The following GALNT15 variants were observed in gnomAD, a reference collection of about 807,000 sequenced individuals.
The protein encoded by GALNT15 is polypeptide N-acetylgalactosaminyltransferase 15, also known as UDP-GalNAc transferase T15.
GALNT15 carries 67 observed loss-of-function variants against 66.8 expected under a neutral mutation model. The observed-to-expected ratio is 1.00, with a 90% confidence interval of 0.82 to 1.23. The LOEUF (loss-of-function observed/expected upper bound fraction) is 1.23, where lower values mean the gene tolerates loss of function less well. Among genes scored for constraint, GALNT15 ranks in the 50% most tolerant of loss-of-function variants. The pLI, the probability that GALNT15 is intolerant of heterozygous loss-of-function variation, is 0.00. For synonymous variants in GALNT15, 313 were observed against 311.5 expected (o/e 1.00, Z -0.05); for missense variants, 827 against 804.3 (o/e 1.03, Z -0.34).
rs190797513 is a variant in GALNT15 at position 16,186,244 on chromosome 3, G to A, written c.540-9516G>A. Among the ~76,000 whole-genome samples the A allele has an allele frequency of 4.2e-3, 642 of 152,330 alleles. 4 individuals are homozygous for A. Among genetic ancestry groups the A allele is most frequent in the Non-Finnish European group, 7.4e-3 (503 of 68,034 alleles). The stretch of plus-strand genomic sequence containing the variant: ...AAAATACAAATCAAAACCACAATGA[G>A]ATGACATTTTACCCCCACTAGGATG... On this transcript the variant is annotated intron_variant, in intron 1 of 9. Transcript: ENST00000339732. This position sits in a 1 kb window ranked among gnomAD's most constrained non-coding sequence, Gnocchi z 5.1.
chr3:16,233,094 C>CT (rs61516679), downstream of GALNT15, among the ~76,000 whole-genome samples: 1,261 of 61,180 alleles, frequency 0.021, 254 homozygotes, highest in South Asian at 0.051. Context: ...GATAATGCAT[C>CT]TTTTTTTTTT....
chr3:16,241,612 G>A, the GALNT15 span, among the ~76,000 whole-genome samples: 4 of 152,108 alleles, frequency 2.6e-5, no homozygotes, highest in East Asian at 1.9e-4. The surrounding 1 kb of genome is among the most constrained non-coding windows in gnomAD (Gnocchi z 4.6). Flanking sequence ...GCAATGGCGC[G>A]ATCTCGGCTC....
At chr3:16,190,917 C>T (rs1056359339) in intron 1 of GALNT15, among the ~76,000 whole-genome samples, 2 of 152,172 alleles carry the variant, frequency 1.3e-5, no homozygotes, top group African/African-American at 2.4e-5. Flanking sequence ...TGTCGGTTTA[C>T]GTCTTGAAGG....
Position 16,188,092 on chromosome 3 carries a change from C to T in GALNT15, c.540-7668C>T, listed in dbSNP as rs541122904. 2.0e-5 allele frequency among the ~76,000 whole-genome samples: 3 copies of T among 152,316 alleles called. No individual in the cohort carries two copies. Among genetic ancestry groups the T allele is most frequent in the African/African-American group, 7.2e-5 (3 of 41,564 alleles). ...AGGTCTGAGCCTGATGGAAGGTCGT[C>T]GTCCAGGGCATGTGGCACATCTAGC... On this transcript the variant is annotated intron_variant, in intron 1 of 9. Transcript: ENST00000339732. This position sits in a 1 kb window ranked among gnomAD's most constrained non-coding sequence, Gnocchi z 4.6.
the GALNT15 span, among the ~76,000 whole-genome samples, chr3:16,247,946 C>T: frequency 6.6e-6 from 1 of 152,210 alleles, no homozygotes; most frequent in Non-Finnish European, 1.5e-5. Flanking sequence ...TCCAGGCTTC[C>T]AGCTCATCTG....
Position 16,227,729 on chromosome 3 carries a change from C to T in GALNT15, c.*229C>T. 1 of 1,365,942 alleles carries T rather than the reference C, an allele frequency of 7.3e-7. No individual in the cohort carries two copies. The highest frequency in any genetic ancestry group is 9.4e-7 in the Non-Finnish European group (1 of 1,064,150). The allele number at this position is 1,365,942 out of a possible 1,614,324, so 84.6% of individuals were successfully genotyped here. ...AAAAAAGGATCCATTGTACCGTTGT[C>T]TTCATCACTGGGAAATGATTATTAC... On this transcript the variant is annotated 3_prime_UTR_variant, in exon 10 of 10. Transcript: ENST00000339732. The surrounding 1 kb of genome is among the most constrained non-coding windows in gnomAD (Gnocchi z 4.5).
At chr3:16,178,111 C>A (rs1299800212) in intron 1 of GALNT15, among the ~76,000 whole-genome samples, 4 of 151,916 alleles carry the variant, frequency 2.6e-5, no homozygotes, top group Non-Finnish European at 5.9e-5. Context: ...CGTATGTATT[C>A]TTTGTGTGTT....
In GALNT15 at chr3:16,224,548, G is replaced by A. The variant is rs918857479; in HGVS notation, c.1773+1790G>A. Among the ~76,000 whole-genome samples, 1 of 149,400 alleles carries A rather than the reference G, an allele frequency of 6.7e-6. No homozygotes were observed. Among genetic ancestry groups the A allele is most frequent in the Admixed American group, 6.6e-5 (1 of 15,088 alleles). On this transcript the variant is annotated intron_variant, in intron 9 of 9. Transcript: ENST00000339732. This position sits in a 1 kb window ranked among gnomAD's most constrained non-coding sequence, Gnocchi z 5.2. ...GAATTTGTTTATTAATGGTTATAGA[G>A]TTTCACTTTTACAAGATGAAAAAGT... is the stretch of plus-strand genomic sequence containing the variant.
rs776635768 is a variant in GALNT15, at chr3:16,195,972, C to T, written c.706+46C>T. On this transcript the variant is annotated intron_variant, in intron 2 of 9. Coordinates refer to ENST00000339732, the MANE Select transcript of GALNT15 (RefSeq NM_054110.5). The surrounding 1 kb of genome is among the most constrained non-coding windows in gnomAD (Gnocchi z 4.6). ...GGCTCGTCTGGGTGAGCCTTACCCCCTGGCGGGTGGAGTTCTCAAGCAAAA... is the reference window on the plus strand; with the variant it reads ...GGCTCGTCTGGGTGAGCCTTACCCCTTGGCGGGTGGAGTTCTCAAGCAAAA... 1 of 1,594,760 alleles carries T rather than the reference C, an allele frequency of 6.3e-7. No individual in the cohort carries two copies. The highest frequency in any genetic ancestry group is 2.2e-5 in the East Asian group (1 of 44,550).
chr3:16,192,455 A>G (rs1402317314), intron 1 of GALNT15, among the ~76,000 whole-genome samples: 1 of 152,018 alleles, frequency 6.6e-6, no homozygotes, highest in Non-Finnish European at 1.5e-5. Flanking sequence ...AACAAGCCCA[A>G]TTAATAGTTT....
chr3:16,232,506 ATATATTTATTT>A (rs1559698434), downstream of GALNT15, among the ~76,000 whole-genome samples: 368 of 83,306 alleles, frequency 4.4e-3, 12 homozygotes, highest in African/African-American at 0.02. Flanking sequence ...ATATATATAT[ATATATTTATTT>A]AAAAGAGACA....
In GALNT15 at chr3:16,219,559, G is replaced by A. The variant is rs370687308; in HGVS notation, c.1524+25G>A. 8 of 1,609,706 alleles carry A rather than the reference G, an allele frequency of 5.0e-6. No individual in the cohort carries two copies. The African/African-American group carries it at 8.0e-5, about 16-fold the overall frequency. ...GGCAAGGCATGACCCAGGGAAGATG[G>A]GGAGGGACAGGGAAGCTTCCCAAGA... is the stretch of plus-strand genomic sequence containing the variant. On this transcript the variant is annotated intron_variant, in intron 7 of 9. Coordinates refer to ENST00000339732, the MANE Select transcript of GALNT15 (RefSeq NM_054110.5). This position sits in a 1 kb window ranked among gnomAD's most constrained non-coding sequence, Gnocchi z 4.3.
At position 16,175,617 on chromosome 3, in the gene GALNT15, C is replaced by A; in HGVS notation, c.466C>A (p.Pro156Thr). ...GGAGTTGACCCCGTTCAGCCTGGAC[C>A]CACGTGGCCTCCAGGAGGCACTCAG... ...EEELTPFSLD[P>T]RGLQEALSAR... The change falls in exon 1 of 10, where the codon CCA becomes ACA. Residue 156 changes from proline to threonine, a missense_variant. Coordinates refer to ENST00000339732, the MANE Select transcript of GALNT15 (RefSeq NM_054110.5). The surrounding 1 kb of genome is among the most constrained non-coding windows in gnomAD (Gnocchi z 5.6). 6.2e-7 allele frequency: 1 copy of A among 1,613,308 alleles called. No individual in the cohort carries two copies. Among genetic ancestry groups the A allele is most frequent in the Non-Finnish European group, 8.5e-7 (1 of 1,179,960 alleles).
chr3:16,234,787 C>T (rs1329794559), downstream of GALNT15, among the ~76,000 whole-genome samples: 1 of 152,204 alleles, frequency 6.6e-6, no homozygotes, highest in Non-Finnish European at 1.5e-5. Flanking sequence ...AGTCTCAACC[C>T]ATGCACAAGA....
At position 16,200,967 on chromosome 3, in the gene GALNT15, T is replaced by G. The variant is rs2063694431; in HGVS notation, c.911+144T>G. 2 of 575,732 alleles carry G rather than the reference T, an allele frequency of 3.5e-6. No homozygotes were observed. Among genetic ancestry groups the G allele is most frequent in the East Asian group, 6.7e-5 (2 of 29,962 alleles). The allele number at this position is 575,732 out of a possible 1,614,324, so 35.7% of individuals were successfully genotyped here. A position where few individuals can be genotyped will look rare whatever the true frequency, so the allele number is the denominator to read the frequency against. On this transcript the variant is annotated intron_variant, in intron 3 of 9. Coordinates refer to ENST00000339732, the MANE Select transcript of GALNT15 (RefSeq NM_054110.5). The surrounding 1 kb of genome is among the most constrained non-coding windows in gnomAD (Gnocchi z 4.4). Reference sequence around the variant, plus strand: ...TATTCCCTTCGGGTTTTCAGATGTGTAAGTTTTTTAAGACTATAGAGTTAG... The same window carrying G: ...TATTCCCTTCGGGTTTTCAGATGTGGAAGTTTTTTAAGACTATAGAGTTAG...
Position 16,219,885 on chromosome 3 carries a change from C to T in GALNT15, c.1525-25C>T, listed in dbSNP as rs746661592. 16 of 1,576,252 alleles carry T rather than the reference C, an allele frequency of 1.0e-5. No individual in the cohort carries two copies. The Admixed American group carries it at 2.2e-4, about 21-fold the overall frequency. The stretch of plus-strand genomic sequence containing the variant: ...TCTTTACAGTGGAATCTGGAATTCA[C>T]TCCTGTGTGTGTGTCCACTTTCAGC... On this transcript the variant is annotated intron_variant, in intron 7 of 9. Transcript: ENST00000339732. This position sits in a 1 kb window ranked among gnomAD's most constrained non-coding sequence, Gnocchi z 4.3.
Position 16,208,540 on chromosome 3 carries a change from T to C in GALNT15, c.949T>C (p.Trp317Arg). The change falls in exon 4 of 10, where the codon TGG becomes CGG. Residue 317 changes from tryptophan to arginine, a missense_variant. Coordinates refer to ENST00000339732, the MANE Select transcript of GALNT15 (RefSeq NM_054110.5). ...ATCTCCGGTGATAGATGTGATTGAC[T>C]GGAAGACTTTCCAGTATTACCCCTC... is the stretch of plus-strand genomic sequence containing the variant. ...VVSPVIDVID[W>R]KTFQYYPSKD... The C allele has an allele frequency of 6.2e-7, 1 of 1,614,192 alleles. No homozygotes were observed. The highest frequency in any genetic ancestry group is 1.7e-5 in the Admixed American group (1 of 60,028).
chr3:16,245,173 G>A, the GALNT15 span, among the ~76,000 whole-genome samples: 1 of 152,170 alleles, frequency 6.6e-6, no homozygotes, highest in African/African-American at 2.4e-5. Flanking sequence ...TATTTTTTAA[G>A]AGGGTCAACA....
At chr3:16,226,376 A>G (rs2064018676) in intron 9 of GALNT15, among the ~76,000 whole-genome samples, 1 of 151,760 alleles carries the variant, frequency 6.6e-6, no homozygotes, top group African/African-American at 2.4e-5. Flanking sequence ...CTATAAAGAC[A>G]TACCTGAGAC....
Sources: gnomAD v4.1 joint callset for allele counts (sites outside exome capture counted in the v4.1 genomes callset) on GRCh38, gnomAD v4.1.1 for gene constraint, Gnocchi (gnomAD v3.1) non-coding constraint, MANE v1.5 for transcripts, NCBI Gene and HGNC (gene_info 2026-07-23, HGNC 2026-07-21) for gene names.